PTPRM: variants seen among roughly 807,000 people sequenced by gnomAD.
The protein encoded by PTPRM is protein tyrosine phosphatase receptor type M, also known as receptor-type tyrosine-protein phosphatase mu.
In PTPRM, 47 loss-of-function variants were observed where a neutral mutation model predicts 186.7. That is an observed-to-expected ratio of 0.25 (90% confidence interval 0.20 to 0.32). The LOEUF (loss-of-function observed/expected upper bound fraction) is 0.32, where lower values mean the gene tolerates loss of function less well. PTPRM is among the 10% of genes least tolerant of loss of function. The pLI, the probability that PTPRM is intolerant of heterozygous loss-of-function variation, is 1.00. For missense variants in PTPRM, 1,494 were observed against 1,865.0 expected (o/e 0.80, Z 3.66); for synonymous variants, 668 against 674.9 (o/e 0.99, Z 0.16).
rs1384694266 is a variant in PTPRM, at chr18:8,334,397, C to G, written c.2957-9026C>G. 2.0e-5 allele frequency among the ~76,000 whole-genome samples: 3 copies of G among 152,166 alleles called. No homozygotes were observed. The East Asian group carries it at 5.8e-4, about 30-fold the overall frequency. On this transcript the variant is annotated intron_variant, in intron 22 of 32. Coordinates refer to ENST00000580170, the MANE Select transcript of PTPRM (RefSeq NM_001105244.2). ...TGAGCCTCATTGCCACACTGGGGAGCCTTGGAGCCCACGCTGGCCCTGCCA... is the reference window on the plus strand; with the variant it reads ...TGAGCCTCATTGCCACACTGGGGAGGCTTGGAGCCCACGCTGGCCCTGCCA...
intron 20 of PTPRM, among the ~76,000 whole-genome samples, chr18:8,298,986 C>T (rs1296768476): frequency 6.6e-6 from 1 of 152,186 alleles, no homozygotes; most frequent in Admixed American, 6.5e-5. Context: ...CGTGATGGTG[C>T]GTGCCTGCAG....
Position 7,638,593 on chromosome 18 carries a change from T to C in PTPRM, c.73+70702T>C, listed in dbSNP as rs113484381. Among the ~76,000 whole-genome samples the C allele has an allele frequency of 3.1e-3, 474 of 152,348 alleles. 4 individuals carry two copies. The highest frequency in any genetic ancestry group is 0.011 in the African/African-American group (453 of 41,586). On this transcript the variant is annotated intron_variant, in intron 1 of 32. Coordinates refer to ENST00000580170, the MANE Select transcript of PTPRM (RefSeq NM_001105244.2). The stretch of plus-strand genomic sequence containing the variant: ...GTGCATTTTTAATGGTTGAAACTGT[T>C]ATGTAGACCATCTTCTGAGGCAAAA...
intron 13 of PTPRM, among the ~76,000 whole-genome samples, chr18:8,135,133 A>G (rs889438788): frequency 2.0e-5 from 3 of 152,210 alleles, no homozygotes; most frequent in African/African-American, 7.2e-5. Flanking sequence ...GTTGATCAAT[A>G]TACTTTAAAT....
At chr18:8,376,880 A>G in intron 26 of PTPRM, 1 of 334,532 alleles carries the variant, frequency 3.0e-6, no homozygotes, top group Non-Finnish European at 5.4e-6. Flanking sequence ...TTAAGTGCTC[A>G]GACTTTCAAT....
chr18:7,980,772 A>G (rs1856292008), intron 7 of PTPRM, among the ~76,000 whole-genome samples: 1 of 152,004 alleles, frequency 6.6e-6, no homozygotes, highest in Non-Finnish European at 1.5e-5. Context: ...CAGCTCCCCT[A>G]TCCTCCTCCC....
chr18:7,640,701 A>T (rs1263631336), intron 1 of PTPRM, among the ~76,000 whole-genome samples: 1 of 152,174 alleles, frequency 6.6e-6, no homozygotes, highest in Non-Finnish European at 1.5e-5. Context: ...AAACTCACCT[A>T]GTTTAGTGGA....
intron 2 of PTPRM, among the ~76,000 whole-genome samples, chr18:7,835,940 G>A (rs1187651957): frequency 6.6e-6 from 1 of 151,790 alleles, no homozygotes; most frequent in Non-Finnish European, 1.5e-5. Context: ...GTTTCTATGT[G>A]CCTGGAATAT....
At chr18:8,375,566 C>A (rs1568857717) in intron 24 of PTPRM, among the ~76,000 whole-genome samples, 1 of 152,202 alleles carries the variant, frequency 6.6e-6, no homozygotes, top group Non-Finnish European at 1.5e-5. Context: ...TGAGTGTGCA[C>A]CACTCCAGTC....
At chr18:7,820,898 G>T (rs1006950891) in intron 2 of PTPRM, among the ~76,000 whole-genome samples, 4 of 152,172 alleles carry the variant, frequency 2.6e-5, no homozygotes, top group Non-Finnish European at 5.9e-5. Flanking sequence ...TGGAAATAGA[G>T]CAGCAGGTCA....
At chr18:7,828,548 G>A (rs895774745) in intron 2 of PTPRM, among the ~76,000 whole-genome samples, 15 of 152,120 alleles carry the variant, frequency 9.9e-5, no homozygotes, top group Admixed American at 5.9e-4. Flanking sequence ...CCACGTTGCC[G>A]TATGTCCTGC....
At chr18:7,715,096 C>T (rs1388136168) in intron 1 of PTPRM, among the ~76,000 whole-genome samples, 5 of 152,068 alleles carry the variant, frequency 3.3e-5, no homozygotes, top group African/African-American at 9.7e-5. Context: ...AACATCGATG[C>T]GAAAATCCTC....
intron 1 of PTPRM, among the ~76,000 whole-genome samples, chr18:7,631,447 G>C (rs1205377208): frequency 7.1e-6 from 1 of 140,280 alleles, no homozygotes; most frequent in Admixed American, 6.8e-5. Context: ...AGAACTACAA[G>C]GCTGTTTTTT....
intron 23 of PTPRM, among the ~76,000 whole-genome samples, chr18:8,357,997 A>T (rs1317055910): frequency 6.6e-6 from 1 of 152,214 alleles, no homozygotes; most frequent in African/African-American, 2.4e-5. Flanking sequence ...ACTTAGAGTA[A>T]TGAGGTTTCT....
At chr18:7,772,946 TAATC>T (rs1183446495) in intron 1 of PTPRM, among the ~76,000 whole-genome samples, 1 of 152,170 alleles carries the variant, frequency 6.6e-6, no homozygotes, top group East Asian at 1.9e-4. Flanking sequence ...TCAATTTAAT[TAATC>T]ACTTTCCCCA....
At chr18:7,735,810 G>T (rs1598462030) in intron 1 of PTPRM, among the ~76,000 whole-genome samples, 1 of 151,346 alleles carries the variant, frequency 6.6e-6, no homozygotes. Context: ...AAGAACTTTG[G>T]CTTCCACAAC....
At chr18:8,360,766 A>T (rs2095592590) in intron 23 of PTPRM, 1 of 152,252 alleles carries the variant, frequency 6.6e-6, no homozygotes, top group African/African-American at 2.4e-5. Context: ...TTGGATTTAC[A>T]TCTTTTAGCT....
intron 2 of PTPRM, among the ~76,000 whole-genome samples, chr18:7,870,936 C>T (rs955524978): frequency 6.6e-6 from 1 of 152,160 alleles, no homozygotes; most frequent in Non-Finnish European, 1.5e-5. Flanking sequence ...TTAGTTTTGA[C>T]GTATCTGACC....
At chr18:7,658,249 T>C (rs901994341) in intron 1 of PTPRM, among the ~76,000 whole-genome samples, 4 of 151,476 alleles carry the variant, frequency 2.6e-5, no homozygotes, top group African/African-American at 9.7e-5. Flanking sequence ...ATACAGCATT[T>C]GTCTCTTTTT....
chr18:7,594,023 G>A (rs1598479535), intron 1 of PTPRM, among the ~76,000 whole-genome samples: 1 of 152,178 alleles, frequency 6.6e-6, no homozygotes, highest in East Asian at 1.9e-4. Context: ...CTCCTTGAGG[G>A]GTAGAATTAA....
Sources: allele counts gnomAD v4.1 joint callset (sites outside exome capture counted in the v4.1 genomes callset), GRCh38; gene constraint gnomAD v4.1.1; transcripts MANE v1.5; gene names NCBI Gene and HGNC (gene_info 2026-07-23, HGNC 2026-07-21).